CD86: variants seen among roughly 807,000 people sequenced by gnomAD.
The protein encoded by CD86 is CD86 molecule.
A neutral mutation model predicts 32.1 loss-of-function variants in CD86; 11 were observed. That is an observed-to-expected ratio of 0.34 (90% CI 0.22 to 0.57). The LOEUF is 0.57. Among genes scored for constraint, CD86 ranks in the 20% least tolerant of loss-of-function variants. CD86 has a pLI of 0.86. For missense variants in CD86, 359 were observed against 398.4 expected (o/e 0.90, Z 0.84); for synonymous variants, 137 against 135.3 (o/e 1.01, Z -0.09).
At position 122,075,594 on chromosome 3, in the gene CD86, A is replaced by T. The variant is rs181361453; in HGVS notation, c.15-16007A>T. ...AGCACAGGCTAGACACGCATCTGTC[A>T]TGACACTGAAGGGGTCCTTGCTTGA... is the stretch of plus-strand genomic sequence containing the variant. On this transcript the variant is annotated intron_variant, in intron 1 of 6. Coordinates refer to ENST00000330540, the MANE Select transcript of CD86 (RefSeq NM_175862.5). 1.5e-3 allele frequency among the ~76,000 whole-genome samples: 223 copies of T among 152,340 alleles called. 1 individual carries two copies. The highest frequency in any genetic ancestry group is 2.0e-3 in the Non-Finnish European group (138 of 68,032).
chr3:122,104,713 G>A (rs375994482), intron 3 of CD86, among the ~76,000 whole-genome samples: 6 of 152,130 alleles, frequency 3.9e-5, no homozygotes, highest in African/African-American at 1.4e-4. Flanking sequence ...AACCTTTTAA[G>A]CCTGGCTTCT....
intron 2 of CD86, among the ~76,000 whole-genome samples, chr3:122,095,681 G>T (rs60421375): frequency 0.018 from 2,775 of 152,188 alleles, 87 homozygotes; most frequent in African/African-American, 0.063. Context: ...CCAAAGAATT[G>T]TCATGGAGCC....
rs556370154 is a variant in CD86 at position 122,102,751 on chromosome 3, C to T, written c.65-761C>T. ...TAAATGGTCATTGACCACCACAATC[C>T]GAAAACAGCCATCAAATTTGCCCAG... is the stretch of plus-strand genomic sequence containing the variant. On this transcript the variant is annotated intron_variant, in intron 2 of 6. Transcript: ENST00000330540. Among the ~76,000 whole-genome samples, 138 of 152,202 alleles carry T rather than the reference C, an allele frequency of 9.1e-4. 3 individuals are homozygous for T. The South Asian group carries it at 0.013, about 15-fold the overall frequency.
At position 122,103,628 on chromosome 3, in the gene CD86, G is replaced by A. The variant is rs2073045429; in HGVS notation, c.181G>A (p.Glu61Lys). ...GCTAGTAGTATTTTGGCAGGACCAG[G>A]AAAACTTGGTTCTGAATGAGGTATA... is the stretch of plus-strand genomic sequence containing the variant. ...SELVVFWQDQ[E>K]NLVLNEVYLG... Residue 61 changes from glutamate to lysine, a missense_variant, in exon 3 of 7, where the codon GAA becomes AAA. Transcript: ENST00000330540. 1 of 1,614,028 alleles carries A rather than the reference G, an allele frequency of 6.2e-7. No homozygotes were observed. The highest frequency in any genetic ancestry group is 1.7e-5 in the Admixed American group (1 of 60,014).
chr3:122,113,645 T>C (rs1378415547), intron 5 of CD86, among the ~76,000 whole-genome samples: 1 of 152,224 alleles, frequency 6.6e-6, no homozygotes. Context: ...GCCATTTGTA[T>C]ATTTTCTTTT....
Position 122,106,378 on chromosome 3 carries a change from C to T in CD86, c.581C>T (p.Thr194Ile), listed in dbSNP as rs1477346955. Reference protein sequence around the residue: ...GVMQKSQDNVTELYDVSISLS... With the variant: ...GVMQKSQDNVIELYDVSISLS... The stretch of plus-strand genomic sequence containing the variant: ...ATGCAGAAATCTCAAGATAATGTCA[C>T]AGAACTGTACGACGTTTCCATCAGC... The change falls in exon 4 of 7, where the codon ACA becomes ATA. Residue 194 changes from threonine (T) to isoleucine (I), a missense_variant. Transcript: ENST00000330540. The T allele has an allele frequency of 6.2e-7, 1 of 1,614,070 alleles. No homozygotes were observed. The highest frequency in any genetic ancestry group is 1.7e-5 in the Admixed American group (1 of 60,028).
intron 1 of CD86, among the ~76,000 whole-genome samples, chr3:122,073,685 A>G (rs546214290): frequency 1.3e-5 from 2 of 152,090 alleles, no homozygotes; most frequent in South Asian, 4.1e-4. Context: ...TTTATTGGCA[A>G]TTGTGCAGCA....
chr3:122,113,399 T>C (rs1576787904), intron 5 of CD86, among the ~76,000 whole-genome samples: 1 of 152,290 alleles, frequency 6.6e-6, no homozygotes, highest in South Asian at 2.1e-4. Flanking sequence ...AATAGTAGAG[T>C]TCTACTTTTA....
intron 5 of CD86, among the ~76,000 whole-genome samples, chr3:122,113,043 A>T (rs578011184): frequency 6.6e-6 from 1 of 152,146 alleles, no homozygotes; most frequent in East Asian, 1.9e-4. Flanking sequence ...CCATTATATT[A>T]TTCTTATGTC....
chr3:122,096,585 T>A (rs1253097279), intron 2 of CD86, among the ~76,000 whole-genome samples: 1 of 152,190 alleles, frequency 6.6e-6, no homozygotes, highest in East Asian at 1.9e-4. Context: ...CAGTATTTGA[T>A]CCAACACTAA....
intron 2 of CD86, among the ~76,000 whole-genome samples, chr3:122,100,172 A>C (rs1338111514): frequency 2.0e-5 from 3 of 152,212 alleles, no homozygotes; most frequent in Non-Finnish European, 4.4e-5. Context: ...ATTCATGAAG[A>C]AGTCACCCAA....
Position 122,091,582 on chromosome 3 carries a change from T to G in CD86, c.15-19T>G, listed in dbSNP as rs765739697. The G allele has an allele frequency of 7.8e-6, 11 of 1,411,166 alleles. No individual in the cohort carries two copies. Among genetic ancestry groups the G allele is most frequent in the Non-Finnish European group, 1.0e-5 (11 of 1,074,562 alleles). The allele number at this position is 1,411,166 out of a possible 1,614,324, so 87.4% of individuals were successfully genotyped here. On this transcript the variant is annotated intron_variant, in intron 1 of 6. Coordinates refer to ENST00000330540, the MANE Select transcript of CD86 (RefSeq NM_175862.5). The stretch of plus-strand genomic sequence containing the variant: ...TTCCTTTTCTAATCAAGTTTTACCT[T>G]TTTTTTTCTCGACTCTAGCACTATG...
intron 5 of CD86, among the ~76,000 whole-genome samples, chr3:122,113,150 G>A (rs937836601): frequency 6.6e-6 from 1 of 152,066 alleles, no homozygotes; most frequent in African/African-American, 2.4e-5. Flanking sequence ...ATGGTCTCTG[G>A]TTCCATCAAA....
Position 122,071,140 on chromosome 3 carries a change from G to A in CD86, c.14+15637G>A, listed in dbSNP as rs1398511015. ...TGCTTCATTATTATTATTATTTAAA[G>A]CCCATAATTTACATTAAGTTTCTCT... On this transcript the variant is annotated intron_variant, in intron 1 of 6. Coordinates refer to ENST00000330540, the MANE Select transcript of CD86 (RefSeq NM_175862.5). Among the ~76,000 whole-genome samples, 3 of 151,914 alleles carry A rather than the reference G, an allele frequency of 2.0e-5. No individual in the cohort carries two copies. The East Asian group carries it at 5.8e-4, about 29-fold the overall frequency.
At chr3:122,114,125 C>A (rs1293787862) in intron 5 of CD86, among the ~76,000 whole-genome samples, 1 of 152,032 alleles carries the variant, frequency 6.6e-6, no homozygotes, top group East Asian at 1.9e-4. Context: ...GTGGCAGGCA[C>A]CTGTAATCCC....
intron 1 of CD86, among the ~76,000 whole-genome samples, chr3:122,066,136 G>A (rs2072409457): frequency 6.6e-6 from 1 of 152,136 alleles, no homozygotes; most frequent in Non-Finnish European, 1.5e-5. Context: ...TCAGGCATTG[G>A]CTGAGGGTCC....
chr3:122,098,012 G>A (rs1001507964), intron 2 of CD86, among the ~76,000 whole-genome samples: 1 of 152,184 alleles, frequency 6.6e-6, no homozygotes, highest in African/African-American at 2.4e-5. Flanking sequence ...AGACTGCCAT[G>A]CACTGACTGT....
intron 1 of CD86, among the ~76,000 whole-genome samples, chr3:122,083,453 C>A (rs1258137023): frequency 6.6e-6 from 1 of 152,170 alleles, no homozygotes; most frequent in Non-Finnish European, 1.5e-5. Flanking sequence ...GCCGAGAACT[C>A]TTCCTGTCAA....
chr3:122,077,807 G>A (rs566010289), intron 1 of CD86: 2 of 985,532 alleles, frequency 2.0e-6, no homozygotes, highest in East Asian at 1.1e-4. Context: ...AACCAAGCAA[G>A]AGCACTGTCC....
Sources: gnomAD v4.1 joint callset for allele counts (sites outside exome capture counted in the v4.1 genomes callset) on GRCh38, gnomAD v4.1.1 for gene constraint, MANE v1.5 for transcripts, NCBI Gene and HGNC (gene_info 2026-07-23, HGNC 2026-07-21) for gene names.